The following RBMS1 variants were observed in gnomAD, a reference collection of about 807,000 sequenced individuals.
RBMS1 encodes RNA binding motif single stranded interacting protein 1.
In RBMS1, 17 loss-of-function variants were observed where a neutral mutation model predicts 62.3. That is an observed-to-expected ratio of 0.27 (90% CI 0.19 to 0.41). The LOEUF is 0.41. RBMS1 is among the 10% of genes least tolerant of loss of function. The probability of loss-of-function intolerance (pLI) is 1.00; values close to 1 mark genes in which losing one functional copy is unlikely to be tolerated. For synonymous variants in RBMS1, 172 were observed against 170.0 expected (o/e 1.01, Z -0.09); for missense variants, 334 against 504.5 (o/e 0.66, Z 3.24).
At chr2:160,379,346 G>A (rs557758137) in intron 1 of RBMS1, among the ~76,000 whole-genome samples, 11 of 152,292 alleles carry the variant, frequency 7.2e-5, no homozygotes, top group African/African-American at 2.6e-4. Context: ...TATTTCAGGT[G>A]AAATTTCTAT....
At chr2:160,463,526 A>G (rs983558661) in intron 1 of RBMS1, among the ~76,000 whole-genome samples, 48 of 152,200 alleles carry the variant, frequency 3.2e-4, no homozygotes, top group Admixed American at 2.6e-4. Flanking sequence ...GCTCAGGCCT[A>G]TAATCCCAGC....
intron 1 of RBMS1, among the ~76,000 whole-genome samples, chr2:160,397,609 C>T (rs1352135780): frequency 6.6e-6 from 1 of 152,112 alleles, no homozygotes. Context: ...TTCCTAAAGA[C>T]ACACCCTCTT....
intron 1 of RBMS1, among the ~76,000 whole-genome samples, chr2:160,439,137 C>CG (rs1441801165): frequency 6.9e-6 from 1 of 144,274 alleles, no homozygotes; most frequent in African/African-American, 2.6e-5. Flanking sequence ...GCTGGCCGGG[C>CG]GGGGGGCTGA....
At chr2:160,385,288 G>C (rs1694509116) in intron 1 of RBMS1, among the ~76,000 whole-genome samples, 1 of 152,118 alleles carries the variant, frequency 6.6e-6, no homozygotes, top group African/African-American at 2.4e-5. Flanking sequence ...CTTAAAATCA[G>C]CCTATACATA....
intron 2 of RBMS1, among the ~76,000 whole-genome samples, chr2:160,327,559 C>T (rs1055254119): frequency 1.3e-5 from 2 of 152,124 alleles, no homozygotes; most frequent in African/African-American, 4.8e-5. Context: ...GATCTGCAAT[C>T]AAGGTAACGT....
At chr2:160,341,907 A>C (rs925505757) in intron 2 of RBMS1, among the ~76,000 whole-genome samples, 1 of 152,212 alleles carries the variant, frequency 6.6e-6, no homozygotes, top group African/African-American at 2.4e-5. Context: ...TTTATGACTA[A>C]AATTTCGTTT....
chr2:160,407,471 C>T (rs1238787100), intron 1 of RBMS1: 11 of 986,240 alleles, frequency 1.1e-5, no homozygotes, highest in East Asian at 1.1e-4. Context: ...CACCTGCTTG[C>T]GATAGGGCGT....
intron 2 of RBMS1, among the ~76,000 whole-genome samples, chr2:160,324,880 G>GTATATATATATATATATATATATA (rs747823378): frequency 1.3e-5 from 1 of 76,094 alleles, no homozygotes; most frequent in African/African-American, 4.0e-5. Context: ...GTGTGTGTGT[G>GTATATATATATATATATATATATA]TGTATATATA....
chr2:160,439,125 C>T (rs1683268806), intron 1 of RBMS1, among the ~76,000 whole-genome samples: 1 of 148,186 alleles, frequency 6.7e-6, no homozygotes, highest in African/African-American at 2.5e-5. Context: ...CCGGATGGGG[C>T]GGCTGGCCGG....
intron 1 of RBMS1, among the ~76,000 whole-genome samples, chr2:160,387,485 C>T (rs566374985): frequency 6.6e-6 from 1 of 151,992 alleles, no homozygotes; most frequent in Non-Finnish European, 1.5e-5. Context: ...ACGTCGTGGT[C>T]TGGGTGCCTC....
intron 1 of RBMS1, chr2:160,407,899 G>T (rs1695845602): frequency 1.0e-6 from 1 of 980,690 alleles, no homozygotes; most frequent in African/African-American, 1.8e-5. Context: ...CTCAACCACC[G>T]CCCTGAGAGC....
chr2:160,493,668 G>C lies in RBMS1; in HGVS notation c.-305C>G, dbSNP rs1476791172. 2 of 461,720 alleles carry C rather than the reference G, an allele frequency of 4.3e-6. No individual in the cohort carries two copies. The highest frequency in any genetic ancestry group is 7.0e-5 in the Admixed American group (2 of 28,438). The allele number at this position is 461,720 out of a possible 1,614,324, so 28.6% of individuals were successfully genotyped here. A position where few individuals can be genotyped will look rare whatever the true frequency, so the allele number is the denominator to read the frequency against. ...CGCTCCCAAGGAGTTTCCTCCCGGAGCCCGACTGCTCCGGGGCTGCCAAGG... is the reference window on the plus strand; with the variant it reads ...CGCTCCCAAGGAGTTTCCTCCCGGACCCCGACTGCTCCGGGGCTGCCAAGG... On this transcript the variant is annotated 5_prime_UTR_variant, in exon 1 of 14. Transcript: ENST00000348849.
rs59600753 is a variant in RBMS1 at position 160,396,550 on chromosome 2, C to CTT, written c.76-29161_76-29160dup. The stretch of plus-strand genomic sequence containing the variant: ...CTCTCCCAGGGACTTTTCTTTTTAT[C>CTT]TTTTTTTTTTTTTTTTTTTTTTTTT... On this transcript the variant is annotated intron_variant, in intron 1 of 13. Coordinates refer to ENST00000348849, the MANE Select transcript of RBMS1 (RefSeq NM_016836.4). Among the ~76,000 whole-genome samples the CTT allele has an allele frequency of 1.8e-3, 138 of 77,850 alleles. 6 individuals carry two copies. The highest frequency in any genetic ancestry group is 4.2e-3 in the South Asian group (7 of 1,658). The allele number at this position is 77,850 out of a possible 152,430, so 51.1% of individuals were successfully genotyped here. A position where few individuals can be genotyped will look rare whatever the true frequency, so the allele number is the denominator to read the frequency against.
chr2:160,491,224 G>A lies in RBMS1; in HGVS notation c.75+2065C>T, dbSNP rs546358000. Among the ~76,000 whole-genome samples, 11 of 152,062 alleles carry A rather than the reference G, an allele frequency of 7.2e-5. No homozygotes were observed. The South Asian group carries it at 2.1e-3, about 29-fold the overall frequency. ...GATAATCAAGATACTTGTACAACAG[G>A]GAATTTAGACTTAATTACCAAACTT... On this transcript the variant is annotated intron_variant, in intron 1 of 13. Transcript: ENST00000348849.
Position 160,380,973 on chromosome 2 carries a change from C to T in RBMS1, c.76-13582G>A, listed in dbSNP as rs140902008. Among the ~76,000 whole-genome samples, 1,273 of 152,210 alleles carry T rather than the reference C, an allele frequency of 8.4e-3. 12 individuals are homozygous for T. Among genetic ancestry groups the T allele is most frequent in the Middle Eastern group, 0.034 (10 of 294 alleles). ...AAATCTGCAGGACAGTTTAATCCTGCCTGGATATGTTTTTTTAAATTAATA... is the reference window on the plus strand; with the variant it reads ...AAATCTGCAGGACAGTTTAATCCTGTCTGGATATGTTTTTTTAAATTAATA... On this transcript the variant is annotated intron_variant, in intron 1 of 13. Transcript: ENST00000348849.
At chr2:160,280,314 T>C (rs1263974640) in intron 10 of RBMS1, among the ~76,000 whole-genome samples, 2 of 152,202 alleles carry the variant, frequency 1.3e-5, no homozygotes, top group Non-Finnish European at 2.9e-5. Flanking sequence ...TGTATGTGTA[T>C]ATATCACACA....
At chr2:160,276,489 C>T (rs1687842181) in intron 12 of RBMS1, among the ~76,000 whole-genome samples, 1 of 152,164 alleles carries the variant, frequency 6.6e-6, no homozygotes, top group South Asian at 2.1e-4. Context: ...GCCTAGTGGG[C>T]AAGATCAACT....
chr2:160,433,411 C>T (rs923689184), intron 1 of RBMS1, among the ~76,000 whole-genome samples: 8 of 152,076 alleles, frequency 5.3e-5, no homozygotes, highest in African/African-American at 9.7e-5. Context: ...GAGACCTTGT[C>T]GCCAGAAAAA....
intron 2 of RBMS1, among the ~76,000 whole-genome samples, chr2:160,330,431 G>A (rs530122181): frequency 3.3e-5 from 5 of 152,236 alleles, no homozygotes; most frequent in African/African-American, 2.4e-5. Flanking sequence ...CAAAGCTCAG[G>A]GGGATGGTGA....
Sources: allele counts gnomAD v4.1 joint callset (sites outside exome capture counted in the v4.1 genomes callset), GRCh38; gene constraint gnomAD v4.1.1; transcripts MANE v1.5; gene names NCBI Gene and HGNC (gene_info 2026-07-23, HGNC 2026-07-21).